AOX1: variants seen among roughly 807,000 people sequenced by gnomAD.
AOX1 encodes the protein aldehyde oxidase.
A neutral mutation model predicts 169.5 loss-of-function variants in AOX1; 153 were observed. The ratio of observed to expected loss-of-function variants is 0.90; its 90% CI spans 0.79 to 1.03. AOX1 has a LOEUF of 1.03. Ranked by LOEUF, AOX1 falls within the 50% of genes least tolerant of loss-of-function variation. The pLI, the probability that AOX1 is intolerant of heterozygous loss-of-function variation, is 0.00. For synonymous variants in AOX1, 562 were observed against 581.9 expected, an observed-to-expected ratio of 0.97 and a Z score of 0.49; for missense variants, 1,656 against 1,663.9, an observed-to-expected ratio of 1.00 and a Z score of 0.08.
Position 200,656,916 on chromosome 2 carries a change from G to A in AOX1, c.3150G>A (p.Gly1050=). 1 of 1,576,922 alleles carries A rather than the reference G, an allele frequency of 6.3e-7. No homozygotes were observed. The highest frequency in any genetic ancestry group is 1.8e-5 in the Admixed American group (1 of 56,326). The change falls in exon 27 of 35, where the codon GGG becomes GGA. Residue 1050 remains glycine (G), a synonymous_variant. Coordinates refer to ENST00000374700, the MANE Select transcript of AOX1 (RefSeq NM_001159.4). Reference sequence around the variant, plus strand: ...ACGGTGGAATTGAAATGGGGCAGGGGGTCCACACTAAAATGATTCAGGTAA... The same window carrying A: ...ACGGTGGAATTGAAATGGGGCAGGGAGTCCACACTAAAATGATTCAGGTAA... ...VTHGGIEMGQ[G]VHTKMIQVVS...
At chr2:200,661,476 C>A in intron 29 of AOX1, 103 bp from the exon 30 acceptor site, 2 of 900,342 alleles carry the variant, frequency 2.2e-6, no homozygotes, top group Non-Finnish European at 3.6e-6. Flanking sequence ...GTTACTATTG[C>A]TGATAGTTTT....
At chr2:200,593,250 T>C (rs772889808) in intron 2 of AOX1, 47 bp downstream of exon 2, 1 of 1,374,992 alleles carries the variant, frequency 7.3e-7, no homozygotes, top group Non-Finnish European at 1.0e-6. Context: ...TGTATTTGTA[T>C]AACTCCAATA....
intron 21 of AOX1, among the ~76,000 whole-genome samples, chr2:200,636,508 A>C (rs755815724): frequency 3.3e-5 from 5 of 152,140 alleles, no homozygotes; most frequent in Non-Finnish European, 7.4e-5. Context: ...AGACTGCAAA[A>C]TCCCACAGCT....
chr2:200,655,462 G>A (rs1409266248), intron 26 of AOX1, among the ~76,000 whole-genome samples: 1 of 152,122 alleles, frequency 6.6e-6, no homozygotes, highest in Non-Finnish European at 1.5e-5. Context: ...TCAATAAACA[G>A]TAAAAAACAC....
chr2:200,657,147 G>A (rs1273809662), intron 27 of AOX1, among the ~76,000 whole-genome samples: 6 of 114,164 alleles, frequency 5.3e-5, no homozygotes, highest in African/African-American at 2.0e-4. Context: ...AACATAGGGA[G>A]ATTCCATCTC....
rs768639507 is a variant in AOX1, at chr2:200,586,134, T to G, written c.26T>G (p.Phe9Cys). Reference protein sequence around the residue: MDRASELLFYVNGRKVIEK... With the variant: MDRASELLCYVNGRKVIEK... ...ATGGACCGGGCGTCCGAGCTGCTCT[T>G]CTACGTGAACGGCCGCAAGGTGAGC... Residue 9 changes from phenylalanine to cysteine, a missense_variant, in exon 1 of 35, where the codon TTC becomes TGC. Phe to Cys is a radical substitution (Grantham distance 205, BLOSUM62 -2). Coordinates refer to ENST00000374700, the MANE Select transcript of AOX1 (RefSeq NM_001159.4). 4.5e-6 allele frequency: 7 copies of G among 1,566,766 alleles called. No homozygotes were observed. The East Asian group carries it at 7.1e-5, about 16-fold the overall frequency.
intron 27 of AOX1, among the ~76,000 whole-genome samples, chr2:200,657,161 C>CAAAAAAAAAAAAAAAAAA (rs67071824): frequency 1.3e-4 from 11 of 83,034 alleles, no homozygotes; most frequent in African/African-American, 4.8e-4. Context: ...CCATCTCTAC[C>CAAAAAAAAAAAAAAAAAA]AAAAATATAT....
downstream of AOX1, among the ~76,000 whole-genome samples, chr2:200,677,353 G>A (rs889122756): frequency 6.6e-6 from 1 of 152,130 alleles, no homozygotes; most frequent in African/African-American, 2.4e-5. Context: ...ACCACATTTT[G>A]TAATTGCACC....
intron 20 of AOX1, among the ~76,000 whole-genome samples, chr2:200,628,058 A>C (rs2035042073): frequency 6.6e-6 from 1 of 152,160 alleles, no homozygotes; most frequent in African/African-American, 2.4e-5. Context: ...GAAAATAGTT[A>C]ATTATAGCTT....
chr2:200,659,169 T>C lies in AOX1; in HGVS notation c.3176T>C (p.Val1059Ala), dbSNP rs750836209. Residue 1059 changes from valine to alanine, a missense_variant, in exon 28 of 35, where the codon GTC becomes GCC. Val to Ala is a moderately conservative substitution (Grantham distance 64). Coordinates refer to ENST00000374700, the MANE Select transcript of AOX1 (RefSeq NM_001159.4). Reference sequence around the variant, plus strand: ...AAACTCTCTCTTAAAATTCAGGTGGTCAGCCGTGAATTAAGAATGCCAATG... The same window carrying C: ...AAACTCTCTCTTAAAATTCAGGTGGCCAGCCGTGAATTAAGAATGCCAATG... The part of the protein sequence containing the change: ...QGVHTKMIQV[V>A]SRELRMPMSN... 1.3e-5 allele frequency: 21 copies of C among 1,613,692 alleles called. No individual in the cohort carries two copies. Among genetic ancestry groups the C allele is most frequent in the East Asian group, 2.2e-5 (1 of 44,862 alleles).
chr2:200,622,274 G>A (rs2034903525), intron 18 of AOX1, among the ~76,000 whole-genome samples: 1 of 152,210 alleles, frequency 6.6e-6, no homozygotes, highest in African/African-American at 2.4e-5. Context: ...ATTCATCTGT[G>A]TATTCCACAC....
At chr2:200,595,230 G>A in intron 2 of AOX1, 42 bp from the exon 3 acceptor site, 2 of 1,522,102 alleles carry the variant, frequency 1.3e-6, no homozygotes, top group African/African-American at 1.4e-5. Flanking sequence ...TCTAGAAAGA[G>A]AATTACATAA....
chr2:200,668,097 T>C (rs1368324718), intron 32 of AOX1, among the ~76,000 whole-genome samples: 1 of 149,898 alleles, frequency 6.7e-6, no homozygotes, highest in Non-Finnish European at 1.5e-5. Flanking sequence ...GATTTTTATT[T>C]ATTATTATTA....
chr2:200,647,330 T>C (rs569765010), intron 25 of AOX1, among the ~76,000 whole-genome samples: 76 of 152,338 alleles, frequency 5.0e-4, no homozygotes, highest in Non-Finnish European at 8.2e-4. Flanking sequence ...CAACTGTATC[T>C]TTCCTTCATA....
chr2:200,627,551 G>A (rs2035032525), intron 20 of AOX1, 102 bp downstream of exon 20: 2 of 802,574 alleles, frequency 2.5e-6, no homozygotes, highest in Admixed American at 2.1e-5. Context: ...CTAGGGGGGT[G>A]TTGCTCCTCA....
intron 20 of AOX1, 92 bp downstream of exon 20, chr2:200,627,541 C>A: frequency 1.1e-6 from 1 of 887,984 alleles, no homozygotes; most frequent in Admixed American, 2.0e-5. Context: ...ATCGGGCAGC[C>A]TAGGGGGGTG....
intron 27 of AOX1, 120 bp downstream of exon 27, chr2:200,657,057 C>T: frequency 1.7e-6 from 1 of 580,924 alleles, no homozygotes; most frequent in Middle Eastern, 3.6e-4. Flanking sequence ...GGTGAGGTGG[C>T]TCATGCCTGT....
At chr2:200,657,190 A>ATATATTTTTTTTTTTT in intron 27 of AOX1, among the ~76,000 whole-genome samples, 56 of 62,846 alleles carry the variant, frequency 8.9e-4, no homozygotes, top group African/African-American at 4.2e-3. Flanking sequence ...ATATATATAT[A>ATATATTTTTTTTTTTT]TTTTTTTTTT....
At chr2:200,602,182 G>C in intron 5 of AOX1, 102 bp from the exon 6 acceptor site, 1 of 888,276 alleles carries the variant, frequency 1.1e-6, no homozygotes, top group East Asian at 2.6e-5. Context: ...ATGTCAAACA[G>C]ATCTTTCCTC....
Sources: allele counts gnomAD v4.1 joint callset (sites outside exome capture counted in the v4.1 genomes callset), GRCh38; gene constraint gnomAD v4.1.1; transcripts MANE v1.5; gene names NCBI Gene and HGNC (gene_info 2026-07-23, HGNC 2026-07-21).